The following LHPP variants were observed in gnomAD, a reference collection of about 807,000 sequenced individuals.
LHPP encodes hLHPP.
In LHPP, 24 loss-of-function variants were observed where a neutral mutation model predicts 30.3. The observed-to-expected ratio is 0.79, with a 90% confidence interval of 0.57 to 1.11. The LOEUF is 1.11. Among genes scored for constraint, LHPP ranks in the 50% most tolerant of loss-of-function variants. The pLI is 0.00. For synonymous variants in LHPP, 150 were observed against 157.1 expected (o/e 0.95, Z 0.34); for missense variants, 356 against 367.2 (o/e 0.97, Z 0.25).
At chr10:124,609,156 CTT>C (rs1170039943) in intron 6 of LHPP, among the ~76,000 whole-genome samples, 1 of 152,234 alleles carries the variant, frequency 6.6e-6, no homozygotes, top group Non-Finnish European at 1.5e-5. Context: ...ATATTACTCT[CTT>C]CTTTTTACAC....
chr10:124,560,764 G>A (rs998169954), intron 6 of LHPP, among the ~76,000 whole-genome samples: 3 of 152,174 alleles, frequency 2.0e-5, no homozygotes, highest in Non-Finnish European at 2.9e-5. Context: ...AGGGCTCTCC[G>A]GGGTCTTCTG....
chr10:124,556,348 C>A (rs1948299460), intron 6 of LHPP, among the ~76,000 whole-genome samples: 1 of 152,230 alleles, frequency 6.6e-6, no homozygotes, highest in African/African-American at 2.4e-5. Context: ...AACCACCGTG[C>A]ATTCTCCGGG....
rs1487951056 is a variant in LHPP at position 124,488,457 on chromosome 10, A to G, written c.349A>G (p.Asn117Asp). The change falls in exon 3 of 7, where the codon AAC (asparagine) becomes GAC (aspartate). Residue 117 changes from asparagine to aspartate, a missense_variant. Transcript: ENST00000368842. The stretch of plus-strand genomic sequence containing the variant: ...AGAATTTGATCAGATCGACACATCC[A>G]ACCCAAACTGTGTGGTAATTGCAGA... ...RSEFDQIDTS[N>D]PNCVVIADAG... 1.9e-6 allele frequency: 3 copies of G among 1,614,018 alleles called. No homozygotes were observed. Among genetic ancestry groups the G allele is most frequent in the Non-Finnish European group, 2.5e-6 (3 of 1,180,018 alleles).
Position 124,541,873 on chromosome 10 carries a change from T to C in LHPP, c.716+24602T>C, listed in dbSNP as rs1476604631. On this transcript the variant is annotated intron_variant, in intron 6 of 6. Transcript: ENST00000368842. The surrounding 1 kb of genome is among the most constrained non-coding windows in gnomAD (Gnocchi z 4.2). Reference sequence around the variant, plus strand: ...CTTTCCTTCACCCCTACTTCCCCACTGCAAGGGTGCTGCCTCCCCAGCTCC... The same window carrying C: ...CTTTCCTTCACCCCTACTTCCCCACCGCAAGGGTGCTGCCTCCCCAGCTCC... Among the ~76,000 whole-genome samples, 1 of 152,090 alleles carries C rather than the reference T, an allele frequency of 6.6e-6. No individual in the cohort carries two copies. Among genetic ancestry groups the C allele is most frequent in the Admixed American group, 6.5e-5 (1 of 15,276 alleles).
intron 5 of LHPP, among the ~76,000 whole-genome samples, chr10:124,511,538 T>C (rs1954295703): frequency 6.6e-6 from 1 of 152,174 alleles, no homozygotes; most frequent in Non-Finnish European, 1.5e-5. Context: ...ATTCTCAACA[T>C]TGTGGCCCTC....
chr10:124,468,974 C>A (rs897278984), intron 1 of LHPP, among the ~76,000 whole-genome samples: 1 of 152,194 alleles, frequency 6.6e-6, no homozygotes, highest in African/African-American at 2.4e-5. Flanking sequence ...TGCAGGACAC[C>A]TGTTTTCCTC....
chr10:124,487,284 G>A (rs955108569), intron 2 of LHPP, among the ~76,000 whole-genome samples: 33 of 152,114 alleles, frequency 2.2e-4, no homozygotes, highest in Admixed American at 9.2e-4. Context: ...AATTCTGCCA[G>A]ACCTTTTTTT....
At chr10:124,572,447 A>G (rs941188523) in intron 6 of LHPP, among the ~76,000 whole-genome samples, 12 of 152,108 alleles carry the variant, frequency 7.9e-5, no homozygotes, top group African/African-American at 2.9e-4. Context: ...CCTGGCCAAT[A>G]TGCTGAAACC....
At chr10:124,587,061 C>T (rs12768101) in intron 6 of LHPP, among the ~76,000 whole-genome samples, 28,619 of 137,494 alleles carry the variant, frequency 0.21, 3,052 homozygotes, top group Non-Finnish European at 0.24. Flanking sequence ...CAGTGTTTTG[C>T]TCTCGTCACC....
At position 124,596,555 on chromosome 10, in the gene LHPP, T is replaced by C. The variant is rs900730309; in HGVS notation, c.717-16709T>C. The stretch of plus-strand genomic sequence containing the variant: ...CTCATAAGCAGTCCCGTGTGAATCC[T>C]TGGAGAGCTGTGGAGGTAGCACAGC... On this transcript the variant is annotated intron_variant, in intron 6 of 6. Transcript: ENST00000368842. This position sits in a 1 kb window ranked among gnomAD's most constrained non-coding sequence, Gnocchi z 4.6. Among the ~76,000 whole-genome samples the C allele has an allele frequency of 1.3e-5, 2 of 152,168 alleles. No individual in the cohort carries two copies. The highest frequency in any genetic ancestry group is 2.9e-5 in the Non-Finnish European group (2 of 68,022).
intron 6 of LHPP, among the ~76,000 whole-genome samples, chr10:124,573,115 A>G (rs1046484203): frequency 6.6e-6 from 1 of 152,226 alleles, no homozygotes; most frequent in African/African-American, 2.4e-5. Context: ...CACAGTGAAC[A>G]TTCTTTTATA....
intron 5 of LHPP, among the ~76,000 whole-genome samples, chr10:124,504,247 C>T (rs967475184): frequency 6.6e-6 from 1 of 151,502 alleles, no homozygotes; most frequent in Non-Finnish European, 1.5e-5. Flanking sequence ...CAAACAGCCC[C>T]CTTCCCCCGA....
At chr10:124,499,766 G>C (rs1456665179) in intron 5 of LHPP, among the ~76,000 whole-genome samples, 2 of 151,996 alleles carry the variant, frequency 1.3e-5, no homozygotes, top group African/African-American at 4.9e-5. Flanking sequence ...GTCAAGCCTG[G>C]TGCATGTTTC....
chr10:124,488,070 G>A (rs1953394789), intron 2 of LHPP, among the ~76,000 whole-genome samples: 1 of 152,142 alleles, frequency 6.6e-6, no homozygotes, highest in African/African-American at 2.4e-5. Context: ...TCCTCCTGCT[G>A]CAGGCTCTCA....
chr10:124,516,306 T>A (rs577076765), intron 5 of LHPP, among the ~76,000 whole-genome samples: 5 of 152,316 alleles, frequency 3.3e-5, no homozygotes, highest in African/African-American at 9.6e-5. Flanking sequence ...TGCCTCTTCC[T>A]CTGGTAAGGA....
At chr10:124,562,681 C>A (rs1228994884) in intron 6 of LHPP, among the ~76,000 whole-genome samples, 1 of 152,164 alleles carries the variant, frequency 6.6e-6, no homozygotes, top group African/African-American at 2.4e-5. Context: ...GCTGTAATCC[C>A]AGCATTTTGG....
Position 124,593,576 on chromosome 10 carries a change from T to C in LHPP, c.717-19688T>C, listed in dbSNP as rs78224418. ...CTCCCATGTCCTCCTCTTGGGGGTG[T>C]GACATGAGGTCTTCCCCAAGTGGCC... On this transcript the variant is annotated intron_variant, in intron 6 of 6. Coordinates refer to ENST00000368842, the MANE Select transcript of LHPP (RefSeq NM_022126.4). This position sits in a 1 kb window ranked among gnomAD's most constrained non-coding sequence, Gnocchi z 4.9. 0.011 allele frequency among the ~76,000 whole-genome samples: 1,688 copies of C among 152,306 alleles called. 27 individuals are homozygous for C. The highest frequency in any genetic ancestry group is 0.039 in the African/African-American group (1,632 of 41,560).
chr10:124,537,551 A>G (rs1194119315), intron 6 of LHPP, among the ~76,000 whole-genome samples: 2 of 152,190 alleles, frequency 1.3e-5, no homozygotes, highest in Admixed American at 1.3e-4. Context: ...ATGAGCCCCA[A>G]ACTTCCCAAA....
At chr10:124,534,485 G>A (rs1224944362) in intron 6 of LHPP, among the ~76,000 whole-genome samples, 1 of 152,230 alleles carries the variant, frequency 6.6e-6, no homozygotes. Flanking sequence ...TAGGGCCGGG[G>A]AAAGGCCTGG....
Sources: gnomAD v4.1 joint callset for allele counts (sites outside exome capture counted in the v4.1 genomes callset) on GRCh38, gnomAD v4.1.1 for gene constraint, Gnocchi (gnomAD v3.1) non-coding constraint, MANE v1.5 for transcripts, NCBI Gene and HGNC (gene_info 2026-07-23, HGNC 2026-07-21) for gene names.